The following CYREN variants were observed in gnomAD, a reference collection of about 807,000 sequenced individuals.
CYREN encodes cell cycle regulator of NHEJ.
A neutral mutation model predicts 9.7 loss-of-function variants in CYREN; 7 were observed. The observed-to-expected ratio is 0.72, with a 90% confidence interval of 0.41 to 1.36. The LOEUF (loss-of-function observed/expected upper bound fraction) is 1.36. Ranked by LOEUF, CYREN falls within the 40% of genes most tolerant of loss-of-function variation. The pLI is 0.01. For synonymous variants in CYREN, 76 were observed against 77.9 expected, an observed-to-expected ratio of 0.98 and a Z score of 0.13; for missense variants, 215 against 198.1, an observed-to-expected ratio of 1.09 and a Z score of -0.51.
At chr7:135,110,755 G>A (rs966572287) in intron 2 of CYREN, among the ~76,000 whole-genome samples, 3 of 152,180 alleles carry the variant, frequency 2.0e-5, no homozygotes, top group Admixed American at 1.3e-4. Flanking sequence ...CCATGAGAGC[G>A]ACAAATGCAA....
intron 2 of CYREN, chr7:135,135,101 T>G (rs2117377899): frequency 6.4e-7 from 1 of 1,551,146 alleles, no homozygotes; most frequent in Middle Eastern, 1.7e-4. Flanking sequence ...AGCTTTGGAA[T>G]GGATGCAAAT....
intron 1 of CYREN, among the ~76,000 whole-genome samples, chr7:135,170,091 G>T (rs897090194): frequency 1.3e-5 from 2 of 152,240 alleles, no homozygotes; most frequent in African/African-American, 4.8e-5. Flanking sequence ...TTTCGCAAAC[G>T]AGGAACTGAG....
In CYREN at chr7:135,133,065, G is replaced by A. The variant is rs539456125; in HGVS notation, n.356+35684C>T. On this transcript the variant is annotated intron_variant and non_coding_transcript_variant, in intron 2 of 2. Transcript: ENST00000459937. Reference sequence around the variant, plus strand: ...TACCAAAACACACACGCACGCATGCGTGCACACACACACACACACACACAC... The same window carrying A: ...TACCAAAACACACACGCACGCATGCATGCACACACACACACACACACACAC... Among the ~76,000 whole-genome samples the A allele has an allele frequency of 1.5e-4, 15 of 101,234 alleles. No homozygotes were observed. The South Asian group carries it at 2.4e-3, about 16-fold the overall frequency. The allele number at this position is 101,234 out of a possible 152,430, so 66.4% of individuals were successfully genotyped here. A position where few individuals can be genotyped will look rare whatever the true frequency, so the allele number is the denominator to read the frequency against.
chr7:135,165,003 C>A (rs762546752), downstream of CYREN: 2 of 1,569,184 alleles, frequency 1.3e-6, no homozygotes, highest in African/African-American at 2.7e-5. Flanking sequence ...CTGCTAAAGG[C>A]TTACGTGATT....
At chr7:135,114,579 T>C (rs1306203650) in intron 2 of CYREN, among the ~76,000 whole-genome samples, 1 of 151,952 alleles carries the variant, frequency 6.6e-6, no homozygotes, top group Non-Finnish European at 1.5e-5. Context: ...CACTGATTCC[T>C]CTCTTATTCT....
At chr7:135,124,416 A>G (rs980497504) in intron 2 of CYREN, among the ~76,000 whole-genome samples, 4 of 152,160 alleles carry the variant, frequency 2.6e-5, no homozygotes, top group Non-Finnish European at 4.4e-5. Context: ...TAGAGACCCA[A>G]AAAGAGACAG....
rs563532568 is a variant in CYREN at position 135,098,442 on chromosome 7, C to T, written n.357-3860G>A. Among the ~76,000 whole-genome samples, 12 of 152,304 alleles carry T rather than the reference C, an allele frequency of 7.9e-5. No homozygotes were observed. In the South Asian group the frequency reaches 1.4e-3, roughly 18 times the overall value. On this transcript the variant is annotated intron_variant and non_coding_transcript_variant, in intron 2 of 2. Transcript: ENST00000459937. ...AGGGAATGATGACAAGGAAAAAAGT[C>T]TGCACGTGTTTGGTACAGATGCATT...
chr7:135,164,371 G>C, downstream of CYREN: 1 of 1,444,598 alleles, frequency 6.9e-7, no homozygotes, highest in Non-Finnish European at 9.5e-7. Flanking sequence ...CTGGACACAG[G>C]GAACAAGCAA....
chr7:135,109,914 C>G (rs997138995), intron 2 of CYREN, among the ~76,000 whole-genome samples: 1 of 152,212 alleles, frequency 6.6e-6, no homozygotes. Flanking sequence ...AGGCTCTGAA[C>G]CACTGCCAGC....
chr7:135,132,834 C>T (rs943833678), intron 2 of CYREN, among the ~76,000 whole-genome samples: 74 of 152,136 alleles, frequency 4.9e-4, no homozygotes, highest in African/African-American at 1.7e-3. Context: ...AACCTTTTTC[C>T]TTTATAAATT....
At chr7:135,147,125 C>G (rs1265592782) in intron 2 of CYREN, among the ~76,000 whole-genome samples, 1 of 152,174 alleles carries the variant, frequency 6.6e-6, no homozygotes, top group East Asian at 1.9e-4. Context: ...ATATTATCTC[C>G]AGTCCCCAGA....
rs1827231668 is a variant in CYREN at position 135,122,181 on chromosome 7, C to T, written n.357-27599G>A. Among the ~76,000 whole-genome samples the T allele has an allele frequency of 1.3e-5, 2 of 152,226 alleles. 1 individual carries two copies. The highest frequency in any genetic ancestry group is 4.1e-4 in the South Asian group (2 of 4,836). On this transcript the variant is annotated intron_variant and non_coding_transcript_variant, in intron 2 of 2. Transcript: ENST00000459937. The stretch of plus-strand genomic sequence containing the variant: ...CATCATCCATCTCTATAGCTCCAGG[C>T]TGTGCTTTTCCTCTGCTGGAGTCAG...
At chr7:135,127,561 A>T (rs1828066171) in intron 2 of CYREN, among the ~76,000 whole-genome samples, 2 of 152,140 alleles carry the variant, frequency 1.3e-5, no homozygotes, top group South Asian at 4.1e-4. Flanking sequence ...AAAAAAAAAA[A>T]AAAAACTCAA....
intron 2 of CYREN, among the ~76,000 whole-genome samples, chr7:135,110,897 CT>C (rs1490831672): frequency 6.6e-6 from 1 of 152,182 alleles, no homozygotes; most frequent in Non-Finnish European, 1.5e-5. Flanking sequence ...ATCTCTGCCC[CT>C]ATCTTAGATT....
chr7:135,106,506 G>C (rs1016613280), intron 2 of CYREN, among the ~76,000 whole-genome samples: 2 of 152,162 alleles, frequency 1.3e-5, no homozygotes, highest in South Asian at 4.1e-4. Flanking sequence ...TTTATGTGAT[G>C]AATCACATTT....
At chr7:135,093,399 G>C (rs1195217144) in exon 3 of CYREN, 1 of 152,214 alleles carries the variant, frequency 6.6e-6, no homozygotes, top group East Asian at 1.9e-4. Flanking sequence ...TGAATGAACT[G>C]TATGGTATGT....
chr7:135,106,184 C>T (rs1173278726), intron 2 of CYREN, among the ~76,000 whole-genome samples: 1 of 152,156 alleles, frequency 6.6e-6, no homozygotes, highest in African/African-American at 2.4e-5. Flanking sequence ...CAGGCATAGT[C>T]TGAATTCCGC....
At chr7:135,112,996 C>T (rs200152967) in intron 2 of CYREN, among the ~76,000 whole-genome samples, 1 of 152,110 alleles carries the variant, frequency 6.6e-6, no homozygotes, top group Non-Finnish European at 1.5e-5. Context: ...AGGCTAGTCT[C>T]GAATTCCTAA....
chr7:135,128,908 A>G (rs1828332045), intron 2 of CYREN: 4 of 1,472,000 alleles, frequency 2.7e-6, no homozygotes, highest in Non-Finnish European at 3.8e-6. Context: ...AAATGCTTTA[A>G]TAGTAATTTG....
Sources: allele counts gnomAD v4.1 joint callset (sites outside exome capture counted in the v4.1 genomes callset), GRCh38; gene constraint gnomAD v4.1.1; transcripts MANE v1.5; gene names NCBI Gene and HGNC (gene_info 2026-07-23, HGNC 2026-07-21).